The following DNAH11 variants were observed in gnomAD, a reference collection of about 807,000 sequenced individuals.
The protein encoded by DNAH11 is dynein axonemal heavy chain 11.
DNAH11 carries 442 observed loss-of-function variants against 526.0 expected under a neutral mutation model. That is an observed-to-expected ratio of 0.84 (90% CI 0.78 to 0.91). The LOEUF (loss-of-function observed/expected upper bound fraction) is 0.91. DNAH11 is among the 40% of genes least tolerant of loss of function. The pLI, the probability that DNAH11 is intolerant of heterozygous loss-of-function variation, is 0.00. For missense variants in DNAH11, 6,989 were observed against 5,448.7 expected, an observed-to-expected ratio of 1.28 and a Z score of -8.90; for synonymous variants, 2,461 against 1,935.9, an observed-to-expected ratio of 1.27 and a Z score of -7.12.
At chr7:21,812,258 A>G (rs1004962250) in intron 63 of DNAH11, among the ~76,000 whole-genome samples, 9 of 152,140 alleles carry the variant, frequency 5.9e-5, no homozygotes, top group African/African-American at 1.9e-4. Context: ...TCTGGAGTCC[A>G]TGGGTCTTAA....
intron 73 of DNAH11, among the ~76,000 whole-genome samples, chr7:21,872,263 C>T (rs150665504): frequency 6.6e-6 from 1 of 151,192 alleles, no homozygotes; most frequent in Non-Finnish European, 1.5e-5. Flanking sequence ...TTTGGGGGTG[C>T]ATAATTCTGC....
chr7:21,825,501 G>A (rs1015361813), intron 65 of DNAH11, among the ~76,000 whole-genome samples: 1 of 152,172 alleles, frequency 6.6e-6, no homozygotes, highest in Non-Finnish European at 1.5e-5. Flanking sequence ...GAATTGTGGA[G>A]TCTTTCAGAG....
chr7:21,757,638 A>G (rs1399878890), intron 54 of DNAH11, among the ~76,000 whole-genome samples: 1 of 152,082 alleles, frequency 6.6e-6, no homozygotes, highest in East Asian at 1.9e-4. Flanking sequence ...GGCTCCACTT[A>G]GGTTTCTTTC....
intron 63 of DNAH11, among the ~76,000 whole-genome samples, chr7:21,813,000 G>T (rs1212970764): frequency 6.6e-6 from 1 of 152,128 alleles, no homozygotes; most frequent in Non-Finnish European, 1.5e-5. Flanking sequence ...AGATACTGAA[G>T]GGTATGGGGG....
intron 65 of DNAH11, among the ~76,000 whole-genome samples, chr7:21,822,167 T>A (rs768365868): frequency 2.6e-4 from 40 of 152,308 alleles, no homozygotes; most frequent in African/African-American, 4.1e-4. Context: ...TTATTTATTT[T>A]TTTTAAAAAG....
chr7:21,873,588 T>C, intron 74 of DNAH11, 87 bp downstream of exon 74: 1 of 1,305,554 alleles, frequency 7.7e-7, no homozygotes, highest in Non-Finnish European at 1.1e-6. Context: ...AGGCATGTCA[T>C]TGAGAGGGAT....
intron 65 of DNAH11, among the ~76,000 whole-genome samples, chr7:21,821,962 T>A (rs1218435453): frequency 6.6e-6 from 1 of 151,966 alleles, no homozygotes; most frequent in African/African-American, 2.4e-5. Context: ...AATGCCATAT[T>A]TTTCTTTCTG....
At chr7:21,737,068 G>A (rs1039827514) in intron 46 of DNAH11, among the ~76,000 whole-genome samples, 6 of 152,176 alleles carry the variant, frequency 3.9e-5, no homozygotes, top group African/African-American at 9.7e-5. Context: ...CTATTAGTGC[G>A]AGGAATAGAA....
At chr7:21,846,359 T>C (rs535336520) in intron 66 of DNAH11, among the ~76,000 whole-genome samples, 1 of 152,336 alleles carries the variant, frequency 6.6e-6, no homozygotes, top group African/African-American at 2.4e-5. Flanking sequence ...TATGATTCTC[T>C]TCTTTTAGAT....
At chr7:21,703,233 C>T (rs1218344422) in intron 37 of DNAH11, among the ~76,000 whole-genome samples, 3 of 152,126 alleles carry the variant, frequency 2.0e-5, no homozygotes, top group African/African-American at 7.2e-5. Flanking sequence ...GGGTGGGTGC[C>T]TGACACCAAT....
chr7:21,825,908 A>G (rs1562568646), intron 65 of DNAH11, among the ~76,000 whole-genome samples: 1 of 151,730 alleles, frequency 6.6e-6, no homozygotes, highest in Non-Finnish European at 1.5e-5. Flanking sequence ...GCAGTGAGCC[A>G]AGATGGTGCC....
chr7:21,596,819 A>G (rs1224751257), intron 14 of DNAH11, among the ~76,000 whole-genome samples: 3 of 152,232 alleles, frequency 2.0e-5, no homozygotes, highest in Admixed American at 2.0e-4. Flanking sequence ...TTCTCAATCC[A>G]AGAATGGAAG....
intron 34 of DNAH11, 64 bp downstream of exon 34, chr7:21,687,591 C>G: frequency 6.5e-7 from 1 of 1,546,458 alleles, no homozygotes; most frequent in Non-Finnish European, 8.8e-7. Context: ...CAGGTAACCT[C>G]CCCTTCACTG....
chr7:21,808,958 C>T (rs1220489418), intron 63 of DNAH11, among the ~76,000 whole-genome samples: 2 of 152,172 alleles, frequency 1.3e-5, no homozygotes, highest in African/African-American at 4.8e-5. Flanking sequence ...AACCTCCATA[C>T]TGTTTTCTGT....
chr7:21,856,608 A>G (rs1272331026), intron 68 of DNAH11, among the ~76,000 whole-genome samples: 1 of 152,194 alleles, frequency 6.6e-6, no homozygotes, highest in African/African-American at 2.4e-5. Flanking sequence ...ATTGAATCCA[A>G]CCATATATAA....
intron 57 of DNAH11, among the ~76,000 whole-genome samples, chr7:21,780,920 A>G (rs763543): frequency 0.73 from 111,203 of 152,052 alleles, 41,103 homozygotes; most frequent in East Asian, 0.84. Flanking sequence ...CAAGTAACAC[A>G]TTGAGAAGCT....
In DNAH11 at chr7:21,626,144, A is replaced by G. The variant is rs554887548; in HGVS notation, c.4500+6066A>G. Reference sequence around the variant, plus strand: ...TAAACTGTAGCCACCCTACTGATCTATCTAACACTGGGTCTTATGAGACCC... The same window carrying G: ...TAAACTGTAGCCACCCTACTGATCTGTCTAACACTGGGTCTTATGAGACCC... On this transcript the variant is annotated intron_variant, in intron 25 of 81. Transcript: ENST00000409508. Among the ~76,000 whole-genome samples, 64 of 152,286 alleles carry G rather than the reference A, an allele frequency of 4.2e-4. 1 individual carries two copies. The highest frequency in any genetic ancestry group is 2.9e-3 in the South Asian group (14 of 4,834).
At chr7:21,543,715 C>A in intron 1 of DNAH11, 119 bp downstream of exon 1, 2 of 1,081,344 alleles carry the variant, frequency 1.8e-6, no homozygotes, top group Non-Finnish European at 2.6e-6. Context: ...ACAAACTTGG[C>A]TTGAAGTCCC....
chr7:21,614,617 C>T (rs1486868013), intron 20 of DNAH11, among the ~76,000 whole-genome samples: 1 of 152,186 alleles, frequency 6.6e-6, no homozygotes, highest in Non-Finnish European at 1.5e-5. Flanking sequence ...TGTTTTCATA[C>T]TGGGCTGTGT....
Sources: allele counts gnomAD v4.1 joint callset (sites outside exome capture counted in the v4.1 genomes callset), GRCh38; gene constraint gnomAD v4.1.1; transcripts MANE v1.5; gene names NCBI Gene and HGNC (gene_info 2026-07-23, HGNC 2026-07-21).